Variants in PDE4D observed in about 807,000 individuals in gnomAD.
The protein encoded by PDE4D is phosphodiesterase 4D.
In PDE4D, 24 loss-of-function variants were observed where a neutral mutation model predicts 87.4. The observed-to-expected ratio is 0.27, with a 90% CI of 0.20 to 0.39. The LOEUF (loss-of-function observed/expected upper bound fraction) is 0.39, where lower values mean the gene tolerates loss of function less well. PDE4D is among the 10% of genes least tolerant of loss of function. The probability of loss-of-function intolerance (pLI) is 1.00; values close to 1 mark genes in which losing one functional copy is unlikely to be tolerated. For synonymous variants in PDE4D, 384 were observed against 383.2 expected, an observed-to-expected ratio of 1.00 and a Z score of -0.02; for missense variants, 714 against 1,041.0, an observed-to-expected ratio of 0.69 and a Z score of 4.32.
chr5:59,997,509 T>C (rs1219848811), intron 2 of PDE4D, among the ~76,000 whole-genome samples: 1 of 152,174 alleles, frequency 6.6e-6, no homozygotes, highest in Non-Finnish European at 1.5e-5. Flanking sequence ...TAAGTGATGA[T>C]ATATTTATAA....
chr5:60,017,558 T>G (rs2152849817), intron 2 of PDE4D, among the ~76,000 whole-genome samples: 3 of 152,322 alleles, frequency 2.0e-5, no homozygotes, highest in Admixed American at 2.0e-4. Context: ...TTTCGTTTTC[T>G]GTTCCTGAGT....
chr5:59,315,784 G>A (rs1219251964), intron 1 of PDE4D, among the ~76,000 whole-genome samples: 2 of 152,160 alleles, frequency 1.3e-5, no homozygotes, highest in African/African-American at 4.8e-5. Flanking sequence ...TGCCCAAAGA[G>A]TACATGTGCA....
chr5:59,475,635 A>C (rs1281677972), intron 1 of PDE4D, among the ~76,000 whole-genome samples: 1 of 152,084 alleles, frequency 6.6e-6, no homozygotes, highest in African/African-American at 2.4e-5. Context: ...TTTTTACCCT[A>C]TCCCTAAGGT....
intron 1 of PDE4D, among the ~76,000 whole-genome samples, chr5:59,459,438 A>G (rs556640116): frequency 6.6e-5 from 10 of 152,310 alleles, no homozygotes; most frequent in Middle Eastern, 3.4e-3. Flanking sequence ...TCAACTCTGG[A>G]TGTACCTTGC....
intron 3 of PDE4D, among the ~76,000 whole-genome samples, chr5:59,949,865 T>C (rs1433563727): frequency 2.6e-5 from 4 of 152,210 alleles, no homozygotes; most frequent in Non-Finnish European, 5.9e-5. Flanking sequence ...TCCATTTTTG[T>C]TTCATTTATT....
Position 59,887,449 on chromosome 5 carries a change from T to G in PDE4D, c.455+5719A>C, listed in dbSNP as rs1581601771. Among the ~76,000 whole-genome samples, 5 of 152,306 alleles carry G rather than the reference T, an allele frequency of 3.3e-5. 1 individual carries two copies. The South Asian group carries it at 1.0e-3, about 32-fold the overall frequency. ...TACAGTGCTATTTGGTGTAATCCCT[T>G]AGCAACGTTGCTGTTATGAGCCAGT... On this transcript the variant is annotated intron_variant, in intron 1 of 14. Transcript: ENST00000340635.
chr5:59,379,447 A>C (rs776726160), intron 1 of PDE4D, among the ~76,000 whole-genome samples: 6 of 152,130 alleles, frequency 3.9e-5, no homozygotes, highest in Non-Finnish European at 7.4e-5. Flanking sequence ...CCGAGAGGCA[A>C]CTTGTAAATC....
At chr5:59,091,482 TACA>T (rs943176831) in intron 5 of PDE4D, among the ~76,000 whole-genome samples, 1 of 152,070 alleles carries the variant, frequency 6.6e-6, no homozygotes, top group African/African-American at 2.4e-5. Context: ...CTCAGCTACA[TACA>T]ACATTGATGA....
intron 1 of PDE4D, among the ~76,000 whole-genome samples, chr5:59,625,643 A>G (rs1242360752): frequency 6.6e-6 from 1 of 152,254 alleles, no homozygotes; most frequent in African/African-American, 2.4e-5. Flanking sequence ...ACGGTGTCTC[A>G]TAACTCTGAA....
chr5:59,277,558 A>G (rs182495675), intron 1 of PDE4D, among the ~76,000 whole-genome samples: 1 of 152,254 alleles, frequency 6.6e-6, no homozygotes, highest in East Asian at 1.9e-4. Context: ...ACAAAAGCAA[A>G]CCAAGTAAAA....
At chr5:60,339,201 G>T (rs914304355) in intron 1 of PDE4D, among the ~76,000 whole-genome samples, 4 of 151,826 alleles carry the variant, frequency 2.6e-5, no homozygotes, top group Non-Finnish European at 5.9e-5. Flanking sequence ...TCCTTATTAG[G>T]TTCAAACTTT....
upstream of PDE4D, among the ~76,000 whole-genome samples, chr5:59,895,637 T>G (rs1751554392): frequency 6.6e-6 from 1 of 152,242 alleles, no homozygotes. Context: ...ACTGCCTTTT[T>G]CTTTTAATTC....
chr5:60,460,238 T>G (rs561368949), intron 1 of PDE4D: 1 of 1,326,156 alleles, frequency 7.5e-7, no homozygotes, highest in African/African-American at 1.4e-5. Context: ...TTCATTTCAG[T>G]GGACTTTGAA....
At chr5:59,672,047 G>C (rs1337044949) in intron 1 of PDE4D, among the ~76,000 whole-genome samples, 2 of 152,068 alleles carry the variant, frequency 1.3e-5, no homozygotes, top group Admixed American at 6.6e-5. Context: ...TTGAAGATGA[G>C]ATATTCATGG....
intron 3 of PDE4D, among the ~76,000 whole-genome samples, chr5:59,903,882 C>T (rs2152764423): frequency 6.6e-6 from 1 of 152,266 alleles, no homozygotes; most frequent in Middle Eastern, 3.4e-3. Flanking sequence ...TCAATTTCCT[C>T]ATGATTGTTC....
rs1561662951 is a variant in PDE4D at position 59,189,232 on chromosome 5, G to GTTTTTTTTTTGTTTT, written c.685-3971_685-3970insAAAACAAAAAAAAAA. Reference sequence around the variant, plus strand: ...AAAGAGATGTAGTTGTTCCTACCCCGTTTTTTTTTTTGTTTTTTTTGTTTT... The same window carrying GTTTTTTTTTTGTTTT: ...AAAGAGATGTAGTTGTTCCTACCCCGTTTTTTTTTTGTTTTTTTTTTTTTTTGTTTTTTTTGTTTT... On this transcript the variant is annotated intron_variant, in intron 3 of 14. Coordinates refer to ENST00000340635, the MANE Select transcript of PDE4D (RefSeq NM_001104631.2). Among the ~76,000 whole-genome samples, 17 of 99,926 alleles carry GTTTTTTTTTTGTTTT rather than the reference G, an allele frequency of 1.7e-4. 2 individuals are homozygous for GTTTTTTTTTTGTTTT. The highest frequency in any genetic ancestry group is 3.5e-4 in the South Asian group (1 of 2,892). 65.6% of individuals were successfully genotyped at this position (99,926 alleles called of 152,430 possible).
intron 2 of PDE4D, among the ~76,000 whole-genome samples, chr5:59,994,307 A>G (rs1046847050): frequency 1.3e-5 from 2 of 151,572 alleles, no homozygotes; most frequent in South Asian, 4.1e-4. Context: ...GTGTGTGTGT[A>G]TATATACATA....
intron 1 of PDE4D, among the ~76,000 whole-genome samples, chr5:60,450,192 T>A (rs1561271057): frequency 6.6e-6 from 1 of 152,074 alleles, no homozygotes; most frequent in Non-Finnish European, 1.5e-5. Context: ...CTTACCTTTT[T>A]AAAAAAATCT....
intron 1 of PDE4D, among the ~76,000 whole-genome samples, chr5:59,253,036 T>G (rs1760284247): frequency 6.6e-6 from 1 of 152,152 alleles, no homozygotes; most frequent in Non-Finnish European, 1.5e-5. Flanking sequence ...GAAGTCACAT[T>G]CTCTAGTCAC....
Sources: gnomAD v4.1 joint callset for allele counts (sites outside exome capture counted in the v4.1 genomes callset) on GRCh38, gnomAD v4.1.1 for gene constraint, MANE v1.5 for transcripts, NCBI Gene and HGNC (gene_info 2026-07-23, HGNC 2026-07-21) for gene names.